LARGE1: variants seen among roughly 807,000 people sequenced by gnomAD.
LARGE1 encodes the protein xylosyl- and glucuronyltransferase LARGE1.
In LARGE1, 43 loss-of-function variants were observed where a neutral mutation model predicts 87.6. The ratio of observed to expected loss-of-function variants is 0.49; its 90% CI spans 0.38 to 0.63. The LOEUF (loss-of-function observed/expected upper bound fraction) is 0.63. LARGE1 is among the 30% of genes least tolerant of loss of function. The pLI, the probability that LARGE1 is intolerant of heterozygous loss-of-function variation, is 0.00. For synonymous variants in LARGE1, 434 were observed against 394.6 expected, an observed-to-expected ratio of 1.10 and a Z score of -1.18; for missense variants, 802 against 1,000.2, an observed-to-expected ratio of 0.80 and a Z score of 2.67.
At chr22:33,176,238 G>A (rs1367308850) in intron 11 of LARGE1, among the ~76,000 whole-genome samples, 2 of 152,094 alleles carry the variant, frequency 1.3e-5, no homozygotes, top group African/African-American at 4.8e-5. Flanking sequence ...CAGGACATAG[G>A]CATGGGCAAA....
At chr22:33,668,289 T>C (rs1262953739) in intron 2 of LARGE1, among the ~76,000 whole-genome samples, 1 of 152,176 alleles carries the variant, frequency 6.6e-6, no homozygotes, top group East Asian at 1.9e-4. Flanking sequence ...CCACATTCAG[T>C]GGGCAGTGAA....
chr22:33,497,089 T>C (rs2070172852), intron 6 of LARGE1, among the ~76,000 whole-genome samples: 1 of 143,238 alleles, frequency 7.0e-6, no homozygotes, highest in African/African-American at 2.6e-5. Context: ...TTTTTTTTTC[T>C]TGGAGACGGA....
At chr22:33,248,551 T>G (rs931879632) in intron 11 of LARGE1, among the ~76,000 whole-genome samples, 13 of 152,318 alleles carry the variant, frequency 8.5e-5, no homozygotes, top group African/African-American at 2.6e-4. Flanking sequence ...TTACAATTGA[T>G]GAACCAACAT....
intron 7 of LARGE1, among the ~76,000 whole-genome samples, chr22:33,411,117 A>G (rs941326655): frequency 2.6e-5 from 4 of 152,302 alleles, no homozygotes; most frequent in Admixed American, 6.5e-5. Context: ...AGCTCTTGCA[A>G]TGCTAAAGAC....
chr22:33,448,095 GA>G (rs1278580555), intron 6 of LARGE1, among the ~76,000 whole-genome samples: 2 of 152,148 alleles, frequency 1.3e-5, no homozygotes, highest in African/African-American at 2.4e-5. Flanking sequence ...GGGACAGGGA[GA>G]GGGGGGTGTG....
chr22:33,746,745 T>C (rs2084100576), intron 2 of LARGE1, among the ~76,000 whole-genome samples: 1 of 152,142 alleles, frequency 6.6e-6, no homozygotes. Context: ...GGAGATAAAA[T>C]AGGGAGTGAG....
intron 11 of LARGE1, among the ~76,000 whole-genome samples, chr22:33,212,679 A>C (rs1480948801): frequency 6.6e-6 from 1 of 152,182 alleles, no homozygotes; most frequent in East Asian, 1.9e-4. Flanking sequence ...GGGCAAAGTA[A>C]ATTGAAAATC....
intron 7 of LARGE1, among the ~76,000 whole-genome samples, chr22:33,398,129 A>AC (rs2065811704): frequency 6.6e-6 from 1 of 151,468 alleles, no homozygotes; most frequent in Admixed American, 6.6e-5. Context: ...ACCAACAGAG[A>AC]CCCCCTTCTC....
chr22:33,298,814 G>A (rs1933724608), intron 12 of LARGE1, among the ~76,000 whole-genome samples: 1 of 151,912 alleles, frequency 6.6e-6, no homozygotes, highest in Non-Finnish European at 1.5e-5. Flanking sequence ...CTGGGTGACA[G>A]AGCAAGACCC....
intron 5 of LARGE1, among the ~76,000 whole-genome samples, chr22:33,573,854 G>T (rs754741126): frequency 6.6e-6 from 1 of 151,988 alleles, no homozygotes; most frequent in Admixed American, 6.6e-5. Context: ...ATACATGCCC[G>T]GCAGTTGATG....
chr22:33,756,525 C>T (rs553677942), intron 2 of LARGE1, among the ~76,000 whole-genome samples: 8 of 151,992 alleles, frequency 5.3e-5, no homozygotes, highest in Admixed American at 4.6e-4. Context: ...GGCAGCCAGA[C>T]AAAGAAGAGG....
rs138997245 is a variant in LARGE1, at chr22:33,383,684, T to G, written c.1005+508A>C. On this transcript the variant is annotated intron_variant, in intron 8 of 14. Transcript: ENST00000397394. The stretch of plus-strand genomic sequence containing the variant: ...GTTTATTCTTTCTATTTAAGTGCAT[T>G]TCCCTTGAGTAAAGGGACACTAGGA... 5.1e-3 allele frequency among the ~76,000 whole-genome samples: 780 copies of G among 152,330 alleles called. 3 individuals carry two copies. The highest frequency in any genetic ancestry group is 0.031 in the Middle Eastern group (9 of 294).
At position 33,920,404 on chromosome 22, in the gene LARGE1, G is replaced by A. The variant is rs2065911834; in HGVS notation, c.-492C>T. 1 of 150,304 alleles carries A rather than the reference G, an allele frequency of 6.7e-6. No individual in the cohort carries two copies. Among genetic ancestry groups the A allele is most frequent in the South Asian group, 2.1e-4 (1 of 4,802 alleles). 9.3% of individuals were successfully genotyped at this position (150,304 alleles called of 1,614,324 possible). A position where few individuals can be genotyped will look rare whatever the true frequency, so the allele number is the denominator to read the frequency against. On this transcript the variant is annotated 5_prime_UTR_variant, in exon 1 of 15. Coordinates refer to ENST00000397394, the MANE Select transcript of LARGE1 (RefSeq NM_133642.5). ...GCAGGGCCTGCCCGCGAACAGCCCG[G>A]CGAGACGAGCGCGGCCGCGCCCCCA...
intron 2 of LARGE1, among the ~76,000 whole-genome samples, chr22:33,753,191 G>A (rs1371205340): frequency 6.6e-6 from 1 of 152,102 alleles, no homozygotes; most frequent in African/African-American, 2.4e-5. Flanking sequence ...CTGCACTCTA[G>A]CCTGGTGATA....
chr22:33,821,369 C>T (rs1161649602), intron 1 of LARGE1, among the ~76,000 whole-genome samples: 2 of 152,152 alleles, frequency 1.3e-5, no homozygotes, highest in Non-Finnish European at 2.9e-5. Context: ...GTGCCTGACA[C>T]ACAGCAAGCA....
intron 9 of LARGE1, among the ~76,000 whole-genome samples, chr22:33,360,813 A>T (rs1241943708): frequency 1.3e-5 from 2 of 149,866 alleles, no homozygotes; most frequent in African/African-American, 2.5e-5. Context: ...GGCTGTACGA[A>T]GGCAGGTATC....
At chr22:33,600,904 A>C (rs1429916815) in intron 5 of LARGE1, among the ~76,000 whole-genome samples, 1 of 152,106 alleles carries the variant, frequency 6.6e-6, no homozygotes, top group Non-Finnish European at 1.5e-5. Context: ...GTCTTTAATA[A>C]AAATATAAAA....
At chr22:33,602,759 C>A (rs1477497283) in intron 5 of LARGE1, among the ~76,000 whole-genome samples, 4 of 152,166 alleles carry the variant, frequency 2.6e-5, no homozygotes, top group African/African-American at 9.7e-5. Context: ...TGATCCTCCC[C>A]ACCTCAGCCT....
At chr22:33,914,196 T>C (rs147830928) in intron 1 of LARGE1, among the ~76,000 whole-genome samples, 10 of 152,348 alleles carry the variant, frequency 6.6e-5, no homozygotes, top group African/African-American at 2.2e-4. Context: ...GCCCTCTTTC[T>C]AGCAACTCAC....
Sources: gnomAD v4.1 joint callset for allele counts (sites outside exome capture counted in the v4.1 genomes callset) on GRCh38, gnomAD v4.1.1 for gene constraint, MANE v1.5 for transcripts, NCBI Gene and HGNC (gene_info 2026-07-23, HGNC 2026-07-21) for gene names.